The following PDE9A variants were observed in gnomAD, a reference collection of about 807,000 sequenced individuals.
PDE9A encodes the protein high affinity cGMP-specific 3',5'-cyclic phosphodiesterase 9A.
A neutral mutation model predicts 87.4 loss-of-function variants in PDE9A; 60 were observed. The observed-to-expected ratio is 0.69, with a 90% confidence interval of 0.56 to 0.85. The LOEUF is 0.85. PDE9A is among the 40% of genes least tolerant of loss of function. PDE9A has a pLI of 0.00. For synonymous variants in PDE9A, 272 were observed against 279.4 expected, an observed-to-expected ratio of 0.97 and a Z score of 0.27; for missense variants, 665 against 779.0, an observed-to-expected ratio of 0.85 and a Z score of 1.74.
chr21:42,680,785 G>A (rs374905027), intron 1 of PDE9A, among the ~76,000 whole-genome samples: 6 of 152,166 alleles, frequency 3.9e-5, no homozygotes, highest in Non-Finnish European at 4.4e-5. Flanking sequence ...CTCCATTCCC[G>A]CCTTTCTGAA....
intron 1 of PDE9A, among the ~76,000 whole-genome samples, chr21:42,658,797 A>G (rs1172125749): frequency 6.6e-6 from 1 of 152,212 alleles, no homozygotes; most frequent in Non-Finnish European, 1.5e-5. Context: ...TTAAATTGGT[A>G]TAAAAATGGT....
intron 8 of PDE9A, among the ~76,000 whole-genome samples, chr21:42,746,120 C>T (rs553754979): frequency 6.6e-6 from 1 of 152,362 alleles, no homozygotes; most frequent in East Asian, 1.9e-4. Context: ...CCTCACAGGT[C>T]TTGCCTCTGC....
chr21:42,707,245 G>T (rs2048919490), intron 4 of PDE9A, among the ~76,000 whole-genome samples: 1 of 152,226 alleles, frequency 6.6e-6, no homozygotes, highest in Admixed American at 6.5e-5. Context: ...CACAGCAGAG[G>T]ATACCGGATG....
intron 1 of PDE9A, among the ~76,000 whole-genome samples, chr21:42,670,581 A>C (rs1353505980): frequency 6.6e-6 from 1 of 151,478 alleles, no homozygotes; most frequent in Non-Finnish European, 1.5e-5. Flanking sequence ...CACACCACAT[A>C]CACGCATACA....
chr21:42,772,788 C>T (rs1161540258), intron 19 of PDE9A, among the ~76,000 whole-genome samples: 2 of 151,910 alleles, frequency 1.3e-5, no homozygotes, highest in Non-Finnish European at 2.9e-5. Context: ...CATGAGCCAC[C>T]ATGCCTGGCT....
chr21:42,726,612 A>ATTTTTT (rs1569207248), intron 4 of PDE9A, among the ~76,000 whole-genome samples: 2 of 24,880 alleles, frequency 8.0e-5, no homozygotes, highest in African/African-American at 7.4e-4. Flanking sequence ...ATATATATAT[A>ATTTTTT]TATATATATA....
intron 1 of PDE9A, among the ~76,000 whole-genome samples, chr21:42,685,297 C>T (rs2059392138): frequency 6.6e-6 from 1 of 152,214 alleles, no homozygotes; most frequent in Non-Finnish European, 1.5e-5. Flanking sequence ...ACAGCCCCGG[C>T]GGCACTGGGG....
Position 42,704,867 on chromosome 21 carries a change from C to T in PDE9A, c.262+5856C>T, listed in dbSNP as rs554066464. 1.8e-4 allele frequency among the ~76,000 whole-genome samples: 28 copies of T among 152,346 alleles called. 1 individual carries two copies. Among genetic ancestry groups the T allele is most frequent in the African/African-American group, 5.8e-4 (24 of 41,572 alleles). ...AGCAGGTTTCAGTAAATGCCTCTAA[C>T]GGGCCCGGTGGAACTGTGCAATGCA... On this transcript the variant is annotated intron_variant, in intron 4 of 19. Transcript: ENST00000291539. The surrounding 1 kb of genome is among the most constrained non-coding windows in gnomAD (Gnocchi z 5.3).
rs189867440 is a variant in PDE9A at position 42,774,154 on chromosome 21, A to G, written c.1769-1126A>G. ...TCAAAAAAATATAAATAAATAAATA[A>G]ACAATAAATAAGGTCACACTCTCCA... On this transcript the variant is annotated intron_variant, in intron 19 of 19. Transcript: ENST00000291539. Among the ~76,000 whole-genome samples, 23 of 152,306 alleles carry G rather than the reference A, an allele frequency of 1.5e-4. No individual in the cohort carries two copies. The East Asian group carries it at 4.2e-3, about 28-fold the overall frequency.
At chr21:42,746,077 A>G (rs2053817874) in intron 8 of PDE9A, among the ~76,000 whole-genome samples, 1 of 152,224 alleles carries the variant, frequency 6.6e-6, no homozygotes, top group Non-Finnish European at 1.5e-5. Flanking sequence ...GCCCACCTAC[A>G]GCAGCAGGAG....
intron 17 of PDE9A, among the ~76,000 whole-genome samples, chr21:42,769,539 C>T (rs560957008): frequency 8.6e-4 from 113 of 131,484 alleles, no homozygotes; most frequent in African/African-American, 3.3e-3. Context: ...CACACACAGG[C>T]ACACAAATGC....
chr21:42,731,591 A>G (rs2051755411), intron 4 of PDE9A, among the ~76,000 whole-genome samples, 179 bp from the exon 5 acceptor site: 1 of 152,126 alleles, frequency 6.6e-6, no homozygotes, highest in Admixed American at 6.5e-5. Flanking sequence ...CAACAAAGGG[A>G]GCAACCGGCT....
intron 1 of PDE9A, among the ~76,000 whole-genome samples, chr21:42,678,487 G>A (rs2146068290): frequency 6.6e-6 from 1 of 152,282 alleles, no homozygotes; most frequent in South Asian, 2.1e-4. Context: ...GCCAGGCTGG[G>A]ACCAAGGACA....
intron 4 of PDE9A, among the ~76,000 whole-genome samples, chr21:42,731,237 C>T (rs1042723360): frequency 7.2e-5 from 11 of 152,180 alleles, no homozygotes; most frequent in African/African-American, 1.2e-4. Context: ...GGATTACAGG[C>T]GTGAGCCACT....
intron 19 of PDE9A, among the ~76,000 whole-genome samples, chr21:42,773,939 T>TA (rs1281131522): frequency 2.1e-5 from 3 of 141,300 alleles, no homozygotes; most frequent in African/African-American, 7.9e-5. Context: ...CCTTCTCTAC[T>TA]AAAAATACAA....
intron 7 of PDE9A, chr21:42,734,145 T>C (rs1009213741): frequency 6.6e-6 from 1 of 152,022 alleles, no homozygotes; most frequent in Non-Finnish European, 1.5e-5. Flanking sequence ...ATCAAACCTC[T>C]TTTGCTTATA....
chr21:42,669,454 C>T (rs531265927), intron 1 of PDE9A, among the ~76,000 whole-genome samples: 3 of 152,346 alleles, frequency 2.0e-5, no homozygotes, highest in African/African-American at 7.2e-5. Context: ...GGCAAACGTG[C>T]CCCTCAAATC....
intron 13 of PDE9A, among the ~76,000 whole-genome samples, chr21:42,761,483 G>C (rs1451754518): frequency 6.6e-6 from 1 of 152,262 alleles, no homozygotes; most frequent in Non-Finnish European, 1.5e-5. Context: ...TGGCGGACAA[G>C]GTCCAGGCCA....
chr21:42,751,084 G>T, intron 8 of PDE9A, 32 bp from the exon 9 acceptor site: 1 of 1,394,016 alleles, frequency 7.2e-7, no homozygotes, highest in South Asian at 1.2e-5. Flanking sequence ...GAAACAGCAG[G>T]ACCACAGCTC....
Sources: gnomAD v4.1 joint callset for allele counts (sites outside exome capture counted in the v4.1 genomes callset) on GRCh38, gnomAD v4.1.1 for gene constraint, Gnocchi (gnomAD v3.1) non-coding constraint, MANE v1.5 for transcripts, NCBI Gene and HGNC (gene_info 2026-07-23, HGNC 2026-07-21) for gene names.